The following ARL15 variants were observed in gnomAD, a reference collection of about 807,000 sequenced individuals.
ARL15 encodes ADP-ribosylation factor-like protein 15.
In ARL15, 19 loss-of-function variants were observed where a neutral mutation model predicts 25.2. The ratio of observed to expected loss-of-function variants is 0.75; its 90% CI spans 0.53 to 1.10. The LOEUF (loss-of-function observed/expected upper bound fraction) is 1.10. Ranked by LOEUF, ARL15 falls within the 50% of genes least tolerant of loss-of-function variation. ARL15 has a pLI of 0.00. For missense variants in ARL15, 220 were observed against 246.0 expected (o/e 0.89, Z 0.71); for synonymous variants, 94 against 86.8 (o/e 1.08, Z -0.46).
At chr5:54,029,434 A>T (rs1363558893) in intron 4 of ARL15, among the ~76,000 whole-genome samples, 2 of 149,508 alleles carry the variant, frequency 1.3e-5, no homozygotes. Context: ...AAGAGTTTAC[A>T]ATCTCAATTT....
chr5:54,154,710 A>T, intron 2 of ARL15, 71 bp from the exon 3 acceptor site: 1 of 933,074 alleles, frequency 1.1e-6, no homozygotes, highest in Non-Finnish European at 1.6e-6. Flanking sequence ...GGATGCTCAA[A>T]TTGTCTCTTT....
intron 3 of ARL15, among the ~76,000 whole-genome samples, chr5:54,122,474 G>C (rs1753111445): frequency 6.6e-6 from 1 of 152,180 alleles, no homozygotes; most frequent in African/African-American, 2.4e-5. Context: ...GAGAGATGAT[G>C]TTACCTACAA....
At position 53,904,747 on chromosome 5, in the gene ARL15, T is replaced by TC. The variant is rs1459328423; in HGVS notation, c.463-18035_463-18034insG. Among the ~76,000 whole-genome samples, 11 of 149,680 alleles carry TC rather than the reference T, an allele frequency of 7.3e-5. No homozygotes were observed. In the South Asian group the frequency reaches 1.9e-3, roughly 26 times the overall value. Reference sequence around the variant, plus strand: ...TATTTATTTTTAGTTCCTTTTTTTTTTTTTTTTTTGAGACAGTCTCACCCA... The same window carrying TC: ...TATTTATTTTTAGTTCCTTTTTTTTTCTTTTTTTTTGAGACAGTCTCACCCA... On this transcript the variant is annotated intron_variant, in intron 4 of 4. Coordinates refer to ENST00000504924, the MANE Select transcript of ARL15 (RefSeq NM_019087.3).
chr5:54,240,437 T>C (rs574054566), intron 1 of ARL15, among the ~76,000 whole-genome samples: 1 of 152,280 alleles, frequency 6.6e-6, no homozygotes, highest in East Asian at 1.9e-4. Flanking sequence ...AAAGTCCCAC[T>C]GTAAGGTACA....
chr5:54,223,155 A>G (rs78178106), intron 1 of ARL15, among the ~76,000 whole-genome samples: 6,024 of 151,976 alleles, frequency 0.04, 182 homozygotes, highest in Non-Finnish European at 0.06. Flanking sequence ...GTGACCATGG[A>G]AGGGTAAATG....
At chr5:54,127,316 A>T (rs916295552) in intron 3 of ARL15, among the ~76,000 whole-genome samples, 1 of 152,230 alleles carries the variant, frequency 6.6e-6, no homozygotes. Context: ...CAACTTCAGC[A>T]AAGTCTCAGG....
intron 1 of ARL15, among the ~76,000 whole-genome samples, chr5:54,187,421 C>T (rs911705380): frequency 7.2e-5 from 11 of 152,200 alleles, no homozygotes; most frequent in African/African-American, 2.7e-4. Context: ...ATTTGGTCCA[C>T]TGGCCCAACA....
At chr5:54,142,678 C>T (rs149685590) in intron 3 of ARL15, among the ~76,000 whole-genome samples, 95 of 151,952 alleles carry the variant, frequency 6.3e-4, no homozygotes, top group African/African-American at 2.1e-3. Flanking sequence ...AGGAGGCCAA[C>T]GTGTTCCATG....
chr5:54,305,217 T>C (rs1758725236), intron 1 of ARL15, among the ~76,000 whole-genome samples: 1 of 152,124 alleles, frequency 6.6e-6, no homozygotes, highest in African/African-American at 2.4e-5. Context: ...TCCCAAACAC[T>C]GGCAGGGCAC....
At chr5:54,144,189 C>T (rs1753846010) in intron 3 of ARL15, among the ~76,000 whole-genome samples, 1 of 151,604 alleles carries the variant, frequency 6.6e-6, no homozygotes, top group East Asian at 1.9e-4. Flanking sequence ...TGAGAGGGCT[C>T]ATTACATCTA....
intron 4 of ARL15, among the ~76,000 whole-genome samples, chr5:53,902,843 G>A (rs772347256): frequency 1.3e-5 from 2 of 152,172 alleles, no homozygotes; most frequent in Non-Finnish European, 2.9e-5. Flanking sequence ...GAAAAAACAG[G>A]AAAGCATGGA....
intron 1 of ARL15, among the ~76,000 whole-genome samples, chr5:54,174,663 A>G (rs1019372809): frequency 6.6e-6 from 1 of 152,216 alleles, no homozygotes; most frequent in Non-Finnish European, 1.5e-5. Context: ...TACTAACAGC[A>G]TTCTAAACGC....
chr5:53,909,157 A>C (rs1745372682), intron 4 of ARL15, among the ~76,000 whole-genome samples: 1 of 152,170 alleles, frequency 6.6e-6, no homozygotes, highest in South Asian at 2.1e-4. Flanking sequence ...GCAAAAATAA[A>C]TATGGCTCCA....
intron 1 of ARL15, among the ~76,000 whole-genome samples, chr5:54,232,643 G>A (rs1286940135): frequency 2.0e-5 from 3 of 152,112 alleles, no homozygotes; most frequent in East Asian, 1.9e-4. Flanking sequence ...AATTAAAGAC[G>A]CATGCCCACC....
At chr5:54,186,233 C>G (rs1755233874) in intron 1 of ARL15, among the ~76,000 whole-genome samples, 1 of 152,202 alleles carries the variant, frequency 6.6e-6, no homozygotes. Flanking sequence ...CAAATGTTTA[C>G]TATGGTCTAG....
At chr5:54,107,856 C>T (rs1453914469) in intron 4 of ARL15, among the ~76,000 whole-genome samples, 1 of 151,990 alleles carries the variant, frequency 6.6e-6, no homozygotes, top group Non-Finnish European at 1.5e-5. Flanking sequence ...TCTTATATAA[C>T]GTATTTGCTC....
At chr5:54,236,515 C>T (rs577389630) in intron 1 of ARL15, among the ~76,000 whole-genome samples, 13 of 152,122 alleles carry the variant, frequency 8.5e-5, no homozygotes, top group East Asian at 5.8e-4. Context: ...GAGCATCAGA[C>T]GCAAAAAGAC....
intron 1 of ARL15, among the ~76,000 whole-genome samples, chr5:54,263,618 A>AG (rs1410978053): frequency 2.0e-5 from 3 of 152,130 alleles, no homozygotes; most frequent in Admixed American, 1.3e-4. Flanking sequence ...TGAGGCCAAA[A>AG]GGGTAAAACA....
chr5:54,230,800 T>C (rs1756651665), intron 1 of ARL15, among the ~76,000 whole-genome samples: 1 of 152,254 alleles, frequency 6.6e-6, no homozygotes, highest in South Asian at 2.1e-4. Context: ...ATTACTCAAA[T>C]ATGTGCAGTC....
Sources: gnomAD v4.1 joint callset for allele counts (sites outside exome capture counted in the v4.1 genomes callset) on GRCh38, gnomAD v4.1.1 for gene constraint, MANE v1.5 for transcripts, NCBI Gene and HGNC (gene_info 2026-07-23, HGNC 2026-07-21) for gene names.